The following ZNF10 variants were observed in gnomAD, a reference collection of about 807,000 sequenced individuals.
The protein encoded by ZNF10 is zinc finger protein 10 (KOX 1).
In ZNF10, 8 loss-of-function variants were observed where a neutral mutation model predicts 12.2. That is an observed-to-expected ratio of 0.66 (90% CI 0.39 to 1.18). ZNF10 has a LOEUF of 1.18. Ranked by LOEUF, ZNF10 falls within the 50% of genes most tolerant of loss-of-function variation. ZNF10 has a pLI of 0.01. For missense variants in ZNF10, 603 were observed against 678.9 expected (o/e 0.89, Z 1.24); for synonymous variants, 229 against 228.2 (o/e 1.00, Z -0.03).
intron 2 of ZNF10, among the ~76,000 whole-genome samples, chr12:133,146,850 A>G (rs1955979024): frequency 2.0e-5 from 3 of 152,064 alleles, no homozygotes; most frequent in South Asian, 2.1e-4. Flanking sequence ...CATCTCAAAA[A>G]AAAAACAAAA....
At chr12:133,132,950 C>T (rs942423093) in intron 1 of ZNF10, among the ~76,000 whole-genome samples, 32 of 151,710 alleles carry the variant, frequency 2.1e-4, no homozygotes, top group African/African-American at 7.6e-4. Context: ...TCTTTTTATC[C>T]ATCAGTTCAT....
At chr12:133,140,038 T>C (rs767935304) in intron 1 of ZNF10, among the ~76,000 whole-genome samples, 14 of 151,456 alleles carry the variant, frequency 9.2e-5, no homozygotes, top group Non-Finnish European at 1.6e-4. Flanking sequence ...ACCCTGTCTC[T>C]ACAAAAATTT....
intron 1 of ZNF10, 177 bp from the exon 2 acceptor site, chr12:133,144,257 T>C (rs1288388178): frequency 2.6e-6 from 1 of 387,556 alleles, no homozygotes; most frequent in African/African-American, 2.1e-5. Context: ...GTAGCTCTTC[T>C]CTTCCTAATC....
In ZNF10 at chr12:133,144,506, C is replaced by A; in HGVS notation, c.14C>A (p.Ser5Ter). The stretch of plus-strand genomic sequence containing the variant: ...AACAAGGAGGGCATGGATGCTAAGT[C>A]ACTAACTGCCTGGTCCCGGGTAAGC... MDAK[S>*]LTAWSRTLVT... Residue 5 changes from serine to a stop codon, truncating the protein, a stop_gained, in exon 2 of 5, where the codon TCA becomes TAA. Coordinates refer to ENST00000248211, the MANE Select transcript of ZNF10 (RefSeq NM_015394.5). LOFTEE classifies it high-confidence loss of function. The A allele has an allele frequency of 6.2e-7, 1 of 1,614,016 alleles. No homozygotes were observed. The highest frequency in any genetic ancestry group is 1.1e-5 in the South Asian group (1 of 91,050).
intron 1 of ZNF10, among the ~76,000 whole-genome samples, chr12:133,132,790 A>G (rs1304018858): frequency 6.6e-6 from 1 of 152,202 alleles, no homozygotes; most frequent in Non-Finnish European, 1.5e-5. Context: ...GACTGATCCT[A>G]ACATTTCCTG....
intron 1 of ZNF10, among the ~76,000 whole-genome samples, chr12:133,138,501 G>C (rs1955925449): frequency 6.6e-6 from 1 of 151,946 alleles, no homozygotes; most frequent in Non-Finnish European, 1.5e-5. Flanking sequence ...TGGGATGCCA[G>C]TACTATTTCC....
In ZNF10 at chr12:133,156,008, T is replaced by C; in HGVS notation, c.762T>C (p.Gly254=). ...DNSLTHGSSL[G]ISKGIHREKP... The stretch of plus-strand genomic sequence containing the variant: ...CTCTTACTCATGGTTCATCTCTTGG[T>C]ATATCAAAGGGCATACATAGAGAGA... The change falls in exon 5 of 5, where the codon GGT becomes GGC. Residue 254 remains glycine (G), a synonymous_variant. Transcript: ENST00000248211. 6.2e-7 allele frequency: 1 copy of C among 1,613,930 alleles called. No individual in the cohort carries two copies. The highest frequency in any genetic ancestry group is 8.5e-7 in the Non-Finnish European group (1 of 1,180,026).
At chr12:133,134,144 C>CAAAAAA (rs35470467) in intron 1 of ZNF10, among the ~76,000 whole-genome samples, 1 of 68,066 alleles carries the variant, frequency 1.5e-5, no homozygotes, top group African/African-American at 4.1e-5. Flanking sequence ...ACTAAAAATA[C>CAAAAAA]AAAAAAAAAA....
chr12:133,144,361 G>A, intron 1 of ZNF10, 73 bp from the exon 2 acceptor site: 2 of 799,738 alleles, frequency 2.5e-6, no homozygotes, highest in South Asian at 3.5e-5. Flanking sequence ...CTGGTATGAA[G>A]AAGTTTAGAC....
chr12:133,145,386 C>T (rs936757958), intron 2 of ZNF10, among the ~76,000 whole-genome samples: 5 of 152,200 alleles, frequency 3.3e-5, no homozygotes, highest in African/African-American at 4.8e-5. Context: ...TGGCACTTCT[C>T]ATCTCTGTCT....
chr12:133,132,151 CTA>C (rs1955882930), intron 1 of ZNF10, among the ~76,000 whole-genome samples: 1 of 151,736 alleles, frequency 6.6e-6, no homozygotes, highest in Non-Finnish European at 1.5e-5. Flanking sequence ...TATATGTGAA[CTA>C]TATGAGAAAA....
chr12:133,141,266 A>G (rs1221661836), intron 1 of ZNF10, among the ~76,000 whole-genome samples: 1 of 152,208 alleles, frequency 6.6e-6, no homozygotes, highest in Non-Finnish European at 1.5e-5. Flanking sequence ...GCTTAAGGAA[A>G]TTTATAGTAC....
intron 1 of ZNF10, among the ~76,000 whole-genome samples, chr12:133,138,389 A>G (rs1244370518): frequency 2.6e-4 from 26 of 98,648 alleles, no homozygotes; most frequent in African/African-American, 6.5e-4. Flanking sequence ...ACCCTGTCTA[A>G]AAAAAAAAAA....
chr12:133,148,265 T>G (rs1429585814), intron 2 of ZNF10, among the ~76,000 whole-genome samples: 1 of 152,008 alleles, frequency 6.6e-6, no homozygotes, highest in Non-Finnish European at 1.5e-5. Context: ...GGATTACTTG[T>G]GTGCATCACC....
intron 4 of ZNF10, among the ~76,000 whole-genome samples, chr12:133,155,076 CAAA>C (rs11340550): frequency 1.7e-5 from 2 of 114,980 alleles, no homozygotes; most frequent in Non-Finnish European, 1.9e-5. Context: ...GAAACTGTCT[CAAA>C]AAAAAAAAAA....
rs925191608 is a variant in ZNF10 at position 133,155,370 on chromosome 12, A to G, written c.257-133A>G. The G allele has an allele frequency of 1.7e-5, 17 of 981,406 alleles. No homozygotes were observed. The African/African-American group carries it at 2.0e-4, about 11-fold the overall frequency. The allele number at this position is 981,406 out of a possible 1,614,324, so 60.8% of individuals were successfully genotyped here. A position where few individuals can be genotyped will look rare whatever the true frequency, so the allele number is the denominator to read the frequency against. ...TTACCGCTCCATTCTTCCTTTTCTC[A>G]TTCTCTATCAAAGTTATAAAGCCAT... On this transcript the variant is annotated intron_variant, in intron 4 of 4. Transcript: ENST00000248211.
rs183270382 is a variant in ZNF10 at position 133,140,517 on chromosome 12, A to T, written c.-59-3917A>T. On this transcript the variant is annotated intron_variant, in intron 1 of 4. Coordinates refer to ENST00000248211, the MANE Select transcript of ZNF10 (RefSeq NM_015394.5). ...TACTAACTCATTTAATTCCCACAAT[A>T]ACCCTATGAGGTCAATACTATTTTA... Among the ~76,000 whole-genome samples the T allele has an allele frequency of 5.3e-5, 8 of 151,736 alleles. No individual in the cohort carries two copies. The East Asian group carries it at 1.2e-3, about 22-fold the overall frequency.
chr12:133,147,375 G>T (rs184029516), intron 2 of ZNF10, among the ~76,000 whole-genome samples: 1 of 152,318 alleles, frequency 6.6e-6, no homozygotes, highest in Non-Finnish European at 1.5e-5. Flanking sequence ...ACAGTAATGT[G>T]TGGGAGTGGC....
rs941015165 is a variant in ZNF10, at chr12:133,148,953, T to C, written c.34-2075T>C. ...TTTTAGTAGAGACAGGGTTTCTCCA[T>C]GTTGGTCAGGCTGGTCTGGAACCCC... On this transcript the variant is annotated intron_variant, in intron 2 of 4. Transcript: ENST00000248211. 2.2e-4 allele frequency among the ~76,000 whole-genome samples: 33 copies of C among 152,034 alleles called. 1 individual carries two copies.
Sources: gnomAD v4.1 joint callset for allele counts (sites outside exome capture counted in the v4.1 genomes callset) on GRCh38, gnomAD v4.1.1 for gene constraint, MANE v1.5 for transcripts, NCBI Gene and HGNC (gene_info 2026-07-23, HGNC 2026-07-21) for gene names.